Variants in RNGTT observed in about 807,000 individuals in gnomAD.
RNGTT encodes mRNA-capping enzyme.
In RNGTT, 33 loss-of-function variants were observed where a neutral mutation model predicts 79.3. The ratio of observed to expected loss-of-function variants is 0.42; its 90% CI spans 0.32 to 0.56. RNGTT has a LOEUF of 0.56. Among genes scored for constraint, RNGTT ranks in the 20% least tolerant of loss-of-function variants. RNGTT has a pLI of 0.17. For missense variants in RNGTT, 497 were observed against 739.1 expected, an observed-to-expected ratio of 0.67 and a Z score of 3.80; for synonymous variants, 222 against 235.9, an observed-to-expected ratio of 0.94 and a Z score of 0.54.
chr6:88,762,210 G>T (rs556015787), intron 13 of RNGTT, among the ~76,000 whole-genome samples: 94 of 152,244 alleles, frequency 6.2e-4, no homozygotes, highest in African/African-American at 2.2e-3. Flanking sequence ...CCAGTTACTG[G>T]ATGTATAACT....
At chr6:88,844,031 T>C (rs1562281849) in intron 11 of RNGTT, among the ~76,000 whole-genome samples, 1 of 151,782 alleles carries the variant, frequency 6.6e-6, no homozygotes, top group Non-Finnish European at 1.5e-5. Context: ...TCAGGATGTG[T>C]AGGAGCAGGC....
At chr6:88,952,685 T>C (rs1179473017) in intron 1 of RNGTT, among the ~76,000 whole-genome samples, 1 of 152,198 alleles carries the variant, frequency 6.6e-6, no homozygotes, top group East Asian at 1.9e-4. Flanking sequence ...TAAATATATC[T>C]ACAACCAAGG....
chr6:88,681,520 T>A (rs919459296), intron 13 of RNGTT, among the ~76,000 whole-genome samples: 9 of 152,342 alleles, frequency 5.9e-5, no homozygotes, highest in Middle Eastern at 3.4e-3. Flanking sequence ...GATAATACTT[T>A]GAGAACACAA....
intron 9 of RNGTT, 123 bp from the exon 10 acceptor site, chr6:88,849,949 A>G: frequency 1.1e-6 from 1 of 918,604 alleles, no homozygotes; most frequent in South Asian, 3.0e-5. Flanking sequence ...ATGAAATTTC[A>G]AAGTGAACAC....
At chr6:88,641,816 C>A (rs568594102) in intron 14 of RNGTT, among the ~76,000 whole-genome samples, 1 of 152,180 alleles carries the variant, frequency 6.6e-6, no homozygotes, top group Admixed American at 6.5e-5. Context: ...AGCATAACTG[C>A]AGCTGCTTTT....
intron 14 of RNGTT, among the ~76,000 whole-genome samples, chr6:88,624,680 T>C (rs894161020): frequency 5.9e-5 from 9 of 151,886 alleles, no homozygotes; most frequent in Middle Eastern, 3.2e-3. Context: ...CAAAATTTCT[T>C]AGAAATGACA....
intron 12 of RNGTT, among the ~76,000 whole-genome samples, chr6:88,772,252 TG>T (rs1039241377): frequency 6.6e-6 from 1 of 151,654 alleles, no homozygotes; most frequent in African/African-American, 2.4e-5. Flanking sequence ...GTGAATCATC[TG>T]TATACTGAAC....
intron 14 of RNGTT, among the ~76,000 whole-genome samples, chr6:88,630,722 T>A (rs966176369): frequency 3.3e-5 from 5 of 152,196 alleles, no homozygotes; most frequent in African/African-American, 1.2e-4. Flanking sequence ...GACTTTTTTT[T>A]TTTTTAACTT....
rs112658694 is a variant in RNGTT at position 88,829,212 on chromosome 6, A to G, written c.1269+15145T>C. Among the ~76,000 whole-genome samples the G allele has an allele frequency of 1.3e-3, 200 of 151,806 alleles. 1 individual carries two copies. In the East Asian group the frequency reaches 0.036, roughly 27 times the overall value. On this transcript the variant is annotated intron_variant, in intron 11 of 15. Coordinates refer to ENST00000369485, the MANE Select transcript of RNGTT (RefSeq NM_003800.5). ...TCTTTGCAGAAACCCTACAAGCCAG[A>G]GGAGAGATTCAACATTCTTAAAGGA...
chr6:88,898,573 A>T (rs1408058609), intron 6 of RNGTT, among the ~76,000 whole-genome samples: 3 of 151,164 alleles, frequency 2.0e-5, no homozygotes, highest in Non-Finnish European at 4.4e-5. Context: ...AAATAGAAAA[A>T]TTTTTAATTT....
intron 15 of RNGTT, among the ~76,000 whole-genome samples, chr6:88,613,376 A>G (rs767747138): frequency 2.0e-5 from 3 of 152,232 alleles, no homozygotes; most frequent in Admixed American, 2.0e-4. Flanking sequence ...ATCAAAATTT[A>G]GTGCCAGTCC....
At chr6:88,724,303 A>C (rs966900255) in intron 13 of RNGTT, among the ~76,000 whole-genome samples, 1 of 152,170 alleles carries the variant, frequency 6.6e-6, no homozygotes, top group African/African-American at 2.4e-5. Flanking sequence ...ATACAGGTGT[A>C]CCATTTTAAA....
rs879138798 is a variant in RNGTT, at chr6:88,941,284, T to C, written c.65-104A>G. 8 of 757,510 alleles carry C rather than the reference T, an allele frequency of 1.1e-5. No homozygotes were observed. In the African/African-American group the frequency reaches 1.4e-4, roughly 13 times the overall value. 46.9% of individuals were successfully genotyped at this position (757,510 alleles called of 1,614,324 possible). ...TATCACCTTCTTAAAACCTTTTTTTTTGAGACCAAGTGTCGCTCTGTCCCC... is the reference window on the plus strand; with the variant it reads ...TATCACCTTCTTAAAACCTTTTTTTCTGAGACCAAGTGTCGCTCTGTCCCC... On this transcript the variant is annotated intron_variant, in intron 1 of 15. Coordinates refer to ENST00000369485, the MANE Select transcript of RNGTT (RefSeq NM_003800.5).
intron 6 of RNGTT, among the ~76,000 whole-genome samples, chr6:88,901,795 C>T (rs1783478381): frequency 6.6e-6 from 1 of 152,092 alleles, no homozygotes; most frequent in African/African-American, 2.4e-5. Flanking sequence ...CTGCGCCCAG[C>T]TAACCACCCT....
chr6:88,748,460 C>A (rs1304702901), intron 13 of RNGTT, among the ~76,000 whole-genome samples: 1 of 152,052 alleles, frequency 6.6e-6, no homozygotes, highest in Non-Finnish European at 1.5e-5. Context: ...ACTATTTGCT[C>A]AAATCTTACT....
intron 13 of RNGTT, among the ~76,000 whole-genome samples, chr6:88,748,288 A>C (rs1475909586): frequency 6.6e-6 from 1 of 152,120 alleles, no homozygotes; most frequent in Non-Finnish European, 1.5e-5. Context: ...GAGATAATAC[A>C]GGGCCCGATC....
intron 1 of RNGTT, among the ~76,000 whole-genome samples, chr6:88,941,547 C>A (rs1204729842): frequency 6.6e-6 from 1 of 152,126 alleles, no homozygotes; most frequent in African/African-American, 2.4e-5. Context: ...GAATTACAGG[C>A]GTGAGCCACC....
intron 14 of RNGTT, among the ~76,000 whole-genome samples, chr6:88,625,878 T>C (rs1417691010): frequency 6.6e-6 from 1 of 152,016 alleles, no homozygotes; most frequent in Admixed American, 6.6e-5. Flanking sequence ...CTAGCTCTAA[T>C]AAATTGTCTT....
intron 11 of RNGTT, among the ~76,000 whole-genome samples, chr6:88,807,211 C>A (rs1582484473): frequency 6.6e-6 from 1 of 152,202 alleles, no homozygotes; most frequent in East Asian, 1.9e-4. Flanking sequence ...ATGTAACAAA[C>A]CTGCACATCC....
Sources: gnomAD v4.1 joint callset for allele counts (sites outside exome capture counted in the v4.1 genomes callset) on GRCh38, gnomAD v4.1.1 for gene constraint, MANE v1.5 for transcripts, NCBI Gene and HGNC (gene_info 2026-07-23, HGNC 2026-07-21) for gene names.